The following ASPHD1 variants were observed in gnomAD, a reference collection of about 807,000 sequenced individuals.
ASPHD1 encodes aspartate beta-hydroxylase domain containing 1.
A neutral mutation model predicts 28.3 loss-of-function variants in ASPHD1; 20 were observed. That is an observed-to-expected ratio of 0.71 (90% CI 0.50 to 1.03). ASPHD1 has a LOEUF of 1.03. Ranked by LOEUF, ASPHD1 falls within the 50% of genes least tolerant of loss-of-function variation. ASPHD1 has a pLI of 0.00. For missense variants in ASPHD1, 479 were observed against 524.1 expected (o/e 0.91, Z 0.84); for synonymous variants, 240 against 221.2 (o/e 1.08, Z -0.75).
chr16:29,905,507 A>T (rs1408811517), intron 2 of ASPHD1, among the ~76,000 whole-genome samples: 1 of 151,828 alleles, frequency 6.6e-6, no homozygotes, highest in Non-Finnish European at 1.5e-5. Context: ...GAGCACCTGA[A>T]ATCCCAGCTA....
chr16:29,904,244 G>A (rs1382918402), intron 1 of ASPHD1, among the ~76,000 whole-genome samples: 2 of 152,014 alleles, frequency 1.3e-5, no homozygotes, highest in African/African-American at 2.4e-5. Flanking sequence ...TCAGGGGTTC[G>A]AGACCAGCCT....
At chr16:29,914,124 C>T (rs8059619) in intron 3 of ASPHD1, 63,830 of 151,984 alleles carry the variant, frequency 0.42, 14,911 homozygotes, top group Non-Finnish European at 0.53. Context: ...GCCACAGCGC[C>T]GGGCCCCTCC....
intron 1 of ASPHD1, among the ~76,000 whole-genome samples, chr16:29,904,612 C>CA (rs1243404965): frequency 0.022 from 1,463 of 66,274 alleles, 18 homozygotes; most frequent in East Asian, 0.071. Context: ...GACTTTGTCT[C>CA]AAAAAAAAAA....
intron 3 of ASPHD1, chr16:29,912,377 GC>G (rs1236761049): frequency 7.0e-6 from 3 of 429,302 alleles, no homozygotes; most frequent in Non-Finnish European, 1.2e-5. Flanking sequence ...CCTCCTCAGG[GC>G]CAGCCCTCCC....
intron 1 of ASPHD1, among the ~76,000 whole-genome samples, chr16:29,903,132 G>C (rs1370155965): frequency 1.3e-5 from 2 of 151,352 alleles, no homozygotes; most frequent in Non-Finnish European, 2.9e-5. Flanking sequence ...GAGGCAGGCG[G>C]ATCACCTGAG....
At chr16:29,906,790 C>T (rs1212313276), downstream of ASPHD1, 6 of 1,270,956 alleles carry the variant, frequency 4.7e-6, no homozygotes, top group African/African-American at 4.4e-5. Context: ...CCAGCAGAGC[C>T]GGGGCAAAAG....
intron 3 of ASPHD1, chr16:29,914,427 G>A (rs1208851140): frequency 6.6e-6 from 1 of 151,058 alleles, no homozygotes; most frequent in African/African-American, 2.4e-5. Flanking sequence ...GGCTCCTTAA[G>A]TGCATTTCTT....
intron 2 of ASPHD1, among the ~76,000 whole-genome samples, chr16:29,905,347 C>T (rs2068595425): frequency 6.6e-6 from 1 of 151,964 alleles, no homozygotes; most frequent in African/African-American, 2.4e-5. Flanking sequence ...ACATATCGGC[C>T]GGGCATGGTG....
Position 29,901,723 on chromosome 16 carries a change from A to AGCTCCTGCTGTACCAAGCAGGCC in ASPHD1, c.754_776dup (p.Cys260SerfsTer24). On this transcript the variant is annotated frameshift_variant, in exon 1 of 3. Coordinates refer to ENST00000308748, the MANE Select transcript of ASPHD1 (RefSeq NM_181718.4). LOFTEE classifies it high-confidence loss of function. The surrounding 1 kb of genome is among the most constrained non-coding windows in gnomAD (Gnocchi z 5.1). ...CCACCTCTGGCCCCCGGGTGCTACC[A>AGCTCCTGCTGTACCAAGCAGGCC]GCTCCTGCTGTACCAAGCAGGCCGG... is the stretch of plus-strand genomic sequence containing the variant. The AGCTCCTGCTGTACCAAGCAGGCC allele has an allele frequency of 6.4e-7, 1 of 1,568,234 alleles. No individual in the cohort carries two copies. Among genetic ancestry groups the AGCTCCTGCTGTACCAAGCAGGCC allele is most frequent in the Non-Finnish European group, 8.6e-7 (1 of 1,160,466 alleles).
intron 3 of ASPHD1, chr16:29,911,965 A>G (rs2068721185): frequency 6.2e-7 from 1 of 1,611,256 alleles, no homozygotes; most frequent in Admixed American, 1.7e-5. Flanking sequence ...CTCACCTTGG[A>G]GGTGCTGGCC....
At position 29,906,012 on chromosome 16, in the gene ASPHD1, A is replaced by G. The variant is rs1555512460; in HGVS notation, c.*115A>G. The G allele has an allele frequency of 4.7e-6, 3 of 633,560 alleles. No homozygotes were observed. In the South Asian group the frequency reaches 6.0e-5, roughly 13 times the overall value. 39.2% of individuals were successfully genotyped at this position (633,560 alleles called of 1,614,324 possible). A position where few individuals can be genotyped will look rare whatever the true frequency, so the allele number is the denominator to read the frequency against. On this transcript the variant is annotated 3_prime_UTR_variant, in exon 3 of 3. Coordinates refer to ENST00000308748, the MANE Select transcript of ASPHD1 (RefSeq NM_181718.4). ...GGGTGGGCGGGGGCGGAGGATGGGA[A>G]CTGGCTAGTGAGCACTGAAATATAA...
Position 29,900,983 on chromosome 16 carries a change from G to A in ASPHD1, c.12G>A (p.Gly4=), listed in dbSNP as rs2068533936. 1 of 1,555,000 alleles carries A rather than the reference G, an allele frequency of 6.4e-7. No homozygotes were observed. Among genetic ancestry groups the A allele is most frequent in the African/African-American group, 1.4e-5 (1 of 73,182 alleles). Residue 4 remains glycine (G), a synonymous_variant, in exon 1 of 3, where the codon GGG becomes GGA. Transcript: ENST00000308748. ...AGGGTTGGAGGTGCATGAAGGAGGG[G>A]AGAGGGAGCTTCAGCGTGGAGAGAG... is the stretch of plus-strand genomic sequence containing the variant. The part of the protein sequence containing the change: MKE[G]RGSFSVERGP...
Position 29,900,821 on chromosome 16 carries a change from GA to G in ASPHD1, c.-150del. 1.4e-6 allele frequency: 1 copy of G among 701,534 alleles called. No individual in the cohort carries two copies. Among genetic ancestry groups the G allele is most frequent in the Admixed American group, 2.9e-5 (1 of 34,796 alleles). 43.5% of individuals were successfully genotyped at this position (701,534 alleles called of 1,614,324 possible). A position where few individuals can be genotyped will look rare whatever the true frequency, so the allele number is the denominator to read the frequency against. On this transcript the variant is annotated 5_prime_UTR_variant, in exon 1 of 3. Transcript: ENST00000308748. Reference sequence around the variant, plus strand: ...AAAGCGGGGGTGGGGAGGAAAGGGGGAGATTGAGGTGGGAGAGAGAAGCAGA... The same window carrying G: ...AAAGCGGGGGTGGGGAGGAAAGGGGGGATTGAGGTGGGAGAGAGAAGCAGA...
Position 29,904,835 on chromosome 16 carries a change from C to T in ASPHD1, c.950-17C>T, listed in dbSNP as rs1025924874. The T allele has an allele frequency of 4.4e-6, 7 of 1,586,534 alleles. No homozygotes were observed. Among genetic ancestry groups the T allele is most frequent in the African/African-American group, 2.7e-5 (2 of 73,972 alleles). Reference sequence around the variant, plus strand: ...GATGGAGGCAGGAGTGCTGGATGCCCGCGTCTCTTCTTACAGGCCTAAAGA... The same window carrying T: ...GATGGAGGCAGGAGTGCTGGATGCCTGCGTCTCTTCTTACAGGCCTAAAGA... On this transcript the variant is annotated splice_polypyrimidine_tract_variant and intron_variant, in intron 1 of 2. Transcript: ENST00000308748.
chr16:29,907,866 G>T (rs531191240), downstream of ASPHD1, among the ~76,000 whole-genome samples: 1 of 151,246 alleles, frequency 6.6e-6, no homozygotes, highest in East Asian at 2.0e-4. Context: ...AGCTGGGTGT[G>T]GTGTCTCCTG....
intron 3 of ASPHD1, among the ~76,000 whole-genome samples, chr16:29,915,971 TCTTTAA>T (rs565012059): frequency 1.7e-4 from 26 of 152,190 alleles, no homozygotes; most frequent in Non-Finnish European, 3.2e-4. Context: ...GTGTTTTTTT[TCTTTAA>T]CTTACTCTCT....
rs1295785473 is a variant in ASPHD1, at chr16:29,901,889, G to A, written c.918G>A (p.Gly306=). ...GGGCCCGGCTCGAGGGCCGCTGTGG[G>A]CCCACCAATGCCCGGGTCAGATGCC... is the stretch of plus-strand genomic sequence containing the variant. The part of the protein sequence containing the change: ...LPGARLEGRC[G]PTNARVRCHL... The change falls in exon 1 of 3, where the codon GGG becomes GGA. Residue 306 remains glycine (G), a synonymous_variant. Coordinates refer to ENST00000308748, the MANE Select transcript of ASPHD1 (RefSeq NM_181718.4). The surrounding 1 kb of genome is among the most constrained non-coding windows in gnomAD (Gnocchi z 5.1). 1 of 1,515,362 alleles carries A rather than the reference G, an allele frequency of 6.6e-7. No individual in the cohort carries two copies. The highest frequency in any genetic ancestry group is 8.8e-7 in the Non-Finnish European group (1 of 1,135,366). The allele number at this position is 1,515,362 out of a possible 1,614,324, so 93.9% of individuals were successfully genotyped here. A position where few individuals can be genotyped will look rare whatever the true frequency, so the allele number is the denominator to read the frequency against.
In ASPHD1 at chr16:29,901,901, C is replaced by G; in HGVS notation, c.930C>G (p.Ala310=). Residue 310 remains alanine (A), a synonymous_variant, in exon 1 of 3, where the codon GCC becomes GCG. Coordinates refer to ENST00000308748, the MANE Select transcript of ASPHD1 (RefSeq NM_181718.4). This position sits in a 1 kb window ranked among gnomAD's most constrained non-coding sequence, Gnocchi z 5.1. ...RLEGRCGPTN[A]RVRCHLGLKI... ...AGGGCCGCTGTGGGCCCACCAATGC[C>G]CGGGTCAGATGCCATCTGGGTAAGT... The G allele has an allele frequency of 6.6e-7, 1 of 1,506,816 alleles. No homozygotes were observed. Among genetic ancestry groups the G allele is most frequent in the Non-Finnish European group, 8.8e-7 (1 of 1,131,466 alleles). The allele number at this position is 1,506,816 out of a possible 1,614,324, so 93.3% of individuals were successfully genotyped here. A position where few individuals can be genotyped will look rare whatever the true frequency, so the allele number is the denominator to read the frequency against.
At chr16:29,916,979 A>G (rs1262823280) in intron 3 of ASPHD1, among the ~76,000 whole-genome samples, 6 of 152,218 alleles carry the variant, frequency 3.9e-5, no homozygotes, top group Non-Finnish European at 1.5e-5. Context: ...GTGTCCTCAC[A>G]TAGCATTCAC....
Sources: allele counts gnomAD v4.1 joint callset (sites outside exome capture counted in the v4.1 genomes callset), GRCh38; gene constraint gnomAD v4.1.1; non-coding constraint Gnocchi (gnomAD v3.1); transcripts MANE v1.5; gene names NCBI Gene and HGNC (gene_info 2026-07-23, HGNC 2026-07-21).